Variants in QKI observed in about 807,000 individuals in gnomAD.
QKI encodes the protein KH domain-containing RNA-binding protein QKI.
In QKI, 10 loss-of-function variants were observed where a neutral mutation model predicts 39.0. The ratio of observed to expected loss-of-function variants is 0.26; its 90% confidence interval spans 0.16 to 0.43. The LOEUF is 0.43. Among genes scored for constraint, QKI ranks in the 20% least tolerant of loss-of-function variants. The pLI is 1.00. For synonymous variants in QKI, 204 were observed against 155.4 expected, an observed-to-expected ratio of 1.31 and a Z score of -2.33; for missense variants, 218 against 428.0, an observed-to-expected ratio of 0.51 and a Z score of 4.33.
In QKI at chr6:163,570,761, G is replaced by A. The variant is rs1322416304; in HGVS notation, c.*51G>A. On this transcript the variant is annotated 3_prime_UTR_variant, in exon 8 of 8. Coordinates refer to ENST00000361752, the MANE Select transcript of QKI (RefSeq NM_006775.3). ...CTTCACCCAATGATGACCTGACCAT[G>A]CCTGCCTGCTGATCAGTTAACTGGT... 1.2e-6 allele frequency: 2 copies of A among 1,604,870 alleles called. No individual in the cohort carries two copies. Among genetic ancestry groups the A allele is most frequent in the Non-Finnish European group, 1.7e-6 (2 of 1,175,116 alleles).
In QKI at chr6:163,573,840, TTAAAA is replaced by T. The variant is rs1328726811; in HGVS notation, c.*3135_*3139del. The T allele has an allele frequency of 1.3e-5, 2 of 152,332 alleles. No homozygotes were observed. Among genetic ancestry groups the T allele is most frequent in the Admixed American group, 6.5e-5 (1 of 15,306 alleles). The allele number at this position is 152,332 out of a possible 1,614,324, so 9.4% of individuals were successfully genotyped here. A position where few individuals can be genotyped will look rare whatever the true frequency, so the allele number is the denominator to read the frequency against. ...TGTTTATTAACCTTTATATGTTTAATTAAAATAAACAAATAAAGACAAAAGAATGT... is the reference window on the plus strand; with the variant it reads ...TGTTTATTAACCTTTATATGTTTAATTAAACAAATAAAGACAAAAGAATGT... On this transcript the variant is annotated 3_prime_UTR_variant, in exon 8 of 8. Coordinates refer to ENST00000361752, the MANE Select transcript of QKI (RefSeq NM_006775.3).
intron 1 of QKI, among the ~76,000 whole-genome samples, chr6:163,451,023 G>A (rs1038572237): frequency 1.3e-5 from 2 of 152,088 alleles, no homozygotes; most frequent in African/African-American, 2.4e-5. Context: ...TTCTTGACTC[G>A]GAGACTATTC....
chr6:163,419,089 A>T lies in QKI; in HGVS notation c.142+3754A>T, dbSNP rs375385703. ...AATGCCGTATTACTGATTTGAAAAT[A>T]TATTTTCATTTTCTGATGGTCTTTT... On this transcript the variant is annotated intron_variant, in intron 1 of 7. Coordinates refer to ENST00000361752, the MANE Select transcript of QKI (RefSeq NM_006775.3). 7.2e-4 allele frequency among the ~76,000 whole-genome samples: 110 copies of T among 152,236 alleles called. 2 individuals carry two copies. In the South Asian group the frequency reaches 0.022, roughly 31 times the overall value.
chr6:163,435,939 T>G (rs1789237393), intron 1 of QKI, among the ~76,000 whole-genome samples: 1 of 152,216 alleles, frequency 6.6e-6, no homozygotes, highest in South Asian at 2.1e-4. Context: ...TTTTGTCATT[T>G]TTTACTCTAA....
chr6:163,537,392 TC>T (rs1309102098), intron 4 of QKI, among the ~76,000 whole-genome samples: 2 of 152,204 alleles, frequency 1.3e-5, no homozygotes, highest in Admixed American at 6.5e-5. Flanking sequence ...CAGAAATAGT[TC>T]CTTGCCAACT....
At chr6:163,477,015 G>GTTTTTTTTTTTT (rs1421278363) in intron 2 of QKI, among the ~76,000 whole-genome samples, 1 of 78,716 alleles carries the variant, frequency 1.3e-5, no homozygotes, top group Admixed American at 1.6e-4. Flanking sequence ...GTTTTGTTTT[G>GTTTTTTTTTTTT]TTTTGTTTTT....
chr6:163,463,987 T>C (rs1165606900), intron 2 of QKI, among the ~76,000 whole-genome samples: 1 of 152,156 alleles, frequency 6.6e-6, no homozygotes, highest in Non-Finnish European at 1.5e-5. Flanking sequence ...CAGCTCCCCC[T>C]CATCCCACAA....
intron 2 of QKI, among the ~76,000 whole-genome samples, chr6:163,468,979 A>G (rs1445287345): frequency 6.6e-6 from 1 of 151,950 alleles, no homozygotes; most frequent in Non-Finnish European, 1.5e-5. Context: ...CAGCTGTACT[A>G]GAGTCCTGAT....
chr6:163,437,782 A>G (rs895482559), intron 1 of QKI, among the ~76,000 whole-genome samples: 5 of 152,156 alleles, frequency 3.3e-5, no homozygotes, highest in South Asian at 2.1e-4. Flanking sequence ...ACTTGTGTCA[A>G]TATGTATTAG....
At chr6:163,484,172 T>C (rs975725675) in intron 3 of QKI, among the ~76,000 whole-genome samples, 1 of 152,060 alleles carries the variant, frequency 6.6e-6, no homozygotes, top group Non-Finnish European at 1.5e-5. Flanking sequence ...TTGTTCCAAT[T>C]GTAGAGCACA....
intron 1 of QKI, among the ~76,000 whole-genome samples, chr6:163,443,804 A>T (rs1789936295): frequency 6.6e-6 from 1 of 152,220 alleles, no homozygotes; most frequent in African/African-American, 2.4e-5. Flanking sequence ...ATACAATCGA[A>T]AAGGTTAATT....
At chr6:163,494,267 A>AT (rs978913101) in intron 3 of QKI, among the ~76,000 whole-genome samples, 22 of 152,234 alleles carry the variant, frequency 1.4e-4, no homozygotes, top group African/African-American at 4.8e-4. Context: ...TATATGGAGG[A>AT]TGAGCCTGAG....
chr6:163,535,155 G>C, intron 4 of QKI, 30 bp downstream of exon 4: 1 of 1,531,504 alleles, frequency 6.5e-7, no homozygotes, highest in Non-Finnish European at 8.8e-7. Flanking sequence ...CCTTAGATTT[G>C]GGCCTCGTCC....
chr6:163,568,689 A>C (rs1262134676), intron 7 of QKI: 1 of 984,482 alleles, frequency 1.0e-6, no homozygotes, highest in East Asian at 1.1e-4. Context: ...CATTTAATGC[A>C]AAAAAACTCA....
At chr6:163,503,153 T>C (rs903145590) in intron 3 of QKI, among the ~76,000 whole-genome samples, 1 of 148,944 alleles carries the variant, frequency 6.7e-6, no homozygotes, top group African/African-American at 2.5e-5. Context: ...TTTTTTTTTT[T>C]TTTTTTTGAG....
At chr6:163,424,340 A>C (rs1360184247) in intron 1 of QKI, among the ~76,000 whole-genome samples, 1 of 152,228 alleles carries the variant, frequency 6.6e-6, no homozygotes, top group Non-Finnish European at 1.5e-5. Context: ...GTGTGCCTGC[A>C]CATGCGTGAG....
chr6:163,481,076 G>C (rs1793041601), intron 3 of QKI, among the ~76,000 whole-genome samples: 2 of 152,136 alleles, frequency 1.3e-5, no homozygotes, highest in South Asian at 4.1e-4. Flanking sequence ...AGAATGGAAT[G>C]CTTGGCCATT....
At chr6:163,527,650 C>A (rs16895088) in intron 3 of QKI, among the ~76,000 whole-genome samples, 1 of 151,986 alleles carries the variant, frequency 6.6e-6, no homozygotes, top group Non-Finnish European at 1.5e-5. Context: ...CATAGGGCAG[C>A]GATTCATAAA....
intron 4 of QKI, among the ~76,000 whole-genome samples, chr6:163,546,299 G>C (rs543751031): frequency 6.6e-6 from 1 of 151,648 alleles, no homozygotes; most frequent in Non-Finnish European, 1.5e-5. Context: ...TGGGTAAGTA[G>C]CATCATGTTC....
Sources: allele counts gnomAD v4.1 joint callset (sites outside exome capture counted in the v4.1 genomes callset), GRCh38; gene constraint gnomAD v4.1.1; transcripts MANE v1.5; gene names NCBI Gene and HGNC (gene_info 2026-07-23, HGNC 2026-07-21).